ADGRD1: variants seen among roughly 807,000 people sequenced by gnomAD.
ADGRD1 encodes adhesion G protein-coupled receptor D1, also known as G-protein coupled receptor 133.
ADGRD1 carries 77 observed loss-of-function variants against 113.4 expected under a neutral mutation model. The observed-to-expected ratio is 0.68, with a 90% CI of 0.57 to 0.82. ADGRD1 has a LOEUF of 0.82. ADGRD1 is among the 40% of genes least tolerant of loss of function. ADGRD1 has a pLI of 0.00. For synonymous variants in ADGRD1, 474 were observed against 475.0 expected (o/e 1.00, Z 0.03); for missense variants, 1,036 against 1,139.1 (o/e 0.91, Z 1.30).
At chr12:130,986,445 C>T (rs1873692429) in intron 5 of ADGRD1, among the ~76,000 whole-genome samples, 1 of 151,962 alleles carries the variant, frequency 6.6e-6, no homozygotes, top group South Asian at 2.1e-4. Flanking sequence ...ATTGTAAATT[C>T]TACTTGTTCG....
At chr12:131,069,567 G>C (rs1884992364) in intron 13 of ADGRD1, 1 of 152,368 alleles carries the variant, frequency 6.6e-6, no homozygotes, top group Non-Finnish European at 1.5e-5. Flanking sequence ...GAACCATCAA[G>C]GGGCTCACAC....
intron 3 of ADGRD1, chr12:130,970,009 T>C (rs1871427656): frequency 6.6e-6 from 1 of 152,236 alleles, no homozygotes; most frequent in Non-Finnish European, 1.5e-5. Context: ...AAACATTTGA[T>C]TTCTTATAAA....
At chr12:131,127,408 A>C (rs1195851305) in intron 20 of ADGRD1, among the ~76,000 whole-genome samples, 1 of 152,258 alleles carries the variant, frequency 6.6e-6, no homozygotes, top group Non-Finnish European at 1.5e-5. Context: ...CCGGGGCAGA[A>C]CCACGCTTTA....
intron 13 of ADGRD1, among the ~76,000 whole-genome samples, chr12:131,058,905 T>C (rs767610603): frequency 6.6e-6 from 1 of 152,222 alleles, no homozygotes; most frequent in Non-Finnish European, 1.5e-5. Flanking sequence ...TTTATATGTT[T>C]TGCCAAATTT....
intron 8 of ADGRD1, chr12:130,994,207 G>A (rs887789434): frequency 2.5e-5 from 11 of 433,240 alleles, no homozygotes; most frequent in Admixed American, 7.3e-5. Context: ...CAAGCTGGAA[G>A]GTCCTTATGC....
intron 15 of ADGRD1, among the ~76,000 whole-genome samples, chr12:131,102,876 A>G (rs1383303822): frequency 1.3e-5 from 2 of 152,212 alleles, no homozygotes; most frequent in Non-Finnish European, 2.9e-5. Context: ...ATGATTCTGC[A>G]ATAACCAGAA....
chr12:131,016,919 G>C (rs1364910687), intron 13 of ADGRD1, among the ~76,000 whole-genome samples: 2 of 150,684 alleles, frequency 1.3e-5, no homozygotes, highest in Non-Finnish European at 1.5e-5. Context: ...TGTAAAGGCA[G>C]GAGGCTTGTT....
chr12:131,003,956 G>A lies in ADGRD1; in HGVS notation c.1145-230G>A, dbSNP rs543497010. 6.6e-6 allele frequency among the ~76,000 whole-genome samples: 1 copy of A among 152,112 alleles called. No individual in the cohort carries two copies. The highest frequency in any genetic ancestry group is 1.5e-5 in the Non-Finnish European group (1 of 67,994). On this transcript the variant is annotated intron_variant, in intron 10 of 24. Coordinates refer to ENST00000261654, the MANE Select transcript of ADGRD1 (RefSeq NM_198827.5). This position sits in a 1 kb window ranked among gnomAD's most constrained non-coding sequence, Gnocchi z 4.8. Reference sequence around the variant, plus strand: ...GAGGGCGCCCCAGGTGAGGAGCCGCGCGCCCGTGGGCCGGAATGCTGAGCC... The same window carrying A: ...GAGGGCGCCCCAGGTGAGGAGCCGCACGCCCGTGGGCCGGAATGCTGAGCC...
chr12:131,062,954 G>A (rs1884454139), intron 13 of ADGRD1, among the ~76,000 whole-genome samples: 1 of 152,020 alleles, frequency 6.6e-6, no homozygotes. Flanking sequence ...TCTCATCATG[G>A]TCTTAATTTG....
intron 4 of ADGRD1, chr12:130,978,533 T>C (rs1872589897): frequency 6.6e-6 from 1 of 152,168 alleles, no homozygotes; most frequent in Non-Finnish European, 1.5e-5. Flanking sequence ...AAGGCTAATA[T>C]GGAAGGCACA....
intron 20 of ADGRD1, among the ~76,000 whole-genome samples, chr12:131,127,688 A>G (rs34613500): frequency 9.8e-4 from 76 of 77,490 alleles, no homozygotes; most frequent in East Asian, 2.8e-3. Context: ...TGAGGTGTTG[A>G]TTGTGTTGGT....
chr12:130,977,956 G>A (rs1367213003), intron 4 of ADGRD1: 1 of 152,558 alleles, frequency 6.6e-6, no homozygotes, highest in Non-Finnish European at 1.5e-5. Context: ...GCAGACTCCA[G>A]ATCCAGGCTG....
At chr12:131,097,759 G>A (rs922931364) in intron 15 of ADGRD1, among the ~76,000 whole-genome samples, 9 of 152,226 alleles carry the variant, frequency 5.9e-5, no homozygotes, top group African/African-American at 9.6e-5. Context: ...CAGCCTGGCC[G>A]GGACAGGGTG....
At position 131,084,638 on chromosome 12, in the gene ADGRD1, T is replaced by C; in HGVS notation, c.1646T>C (p.Ile549Thr). ...CRCTHLTNFA[I>T]LMQVVPLELA... is the part of the protein sequence containing the mutation. Reference sequence around the variant, plus strand: ...TGCACTCACCTCACCAACTTTGCCATCCTCATGCAGGTGGTCCCGCTGGAG... The same window carrying C: ...TGCACTCACCTCACCAACTTTGCCACCCTCATGCAGGTGGTCCCGCTGGAG... Residue 549 changes from isoleucine to threonine, a missense_variant, in exon 15 of 25, where the codon ATC (isoleucine) becomes ACC (threonine). By Grantham distance (89) the Ile-to-Thr change is moderately conservative. Coordinates refer to ENST00000261654, the MANE Select transcript of ADGRD1 (RefSeq NM_198827.5). The surrounding 1 kb of genome is among the most constrained non-coding windows in gnomAD (Gnocchi z 4.5). 1.2e-6 allele frequency: 2 copies of C among 1,614,046 alleles called. No individual in the cohort carries two copies. The highest frequency in any genetic ancestry group is 1.7e-6 in the Non-Finnish European group (2 of 1,180,004).
At chr12:131,098,625 G>T (rs938118136) in intron 15 of ADGRD1, among the ~76,000 whole-genome samples, 2 of 152,182 alleles carry the variant, frequency 1.3e-5, no homozygotes, top group Non-Finnish European at 2.9e-5. Flanking sequence ...CAAGGGAGAG[G>T]GAAGGGCCTG....
At chr12:130,985,548 A>AT (rs199785536) in intron 5 of ADGRD1, among the ~76,000 whole-genome samples, 3,094 of 85,224 alleles carry the variant, frequency 0.036, 53 homozygotes, top group Middle Eastern at 0.09. Context: ...CAGGTTTAAG[A>AT]TTTTTTTTTT....
At chr12:131,000,236 A>G in intron 8 of ADGRD1, 147 bp from the exon 9 acceptor site, 2 of 660,086 alleles carry the variant, frequency 3.0e-6, no homozygotes. Context: ...CATGTGGTCC[A>G]TGACTCAGCT....
rs113452481 is a variant in ADGRD1, at chr12:131,102,310, T to C, written c.1672-2521T>C. On this transcript the variant is annotated intron_variant, in intron 15 of 24. Coordinates refer to ENST00000261654, the MANE Select transcript of ADGRD1 (RefSeq NM_198827.5). Reference sequence around the variant, plus strand: ...GTCGGTCTGCAGGTGGAGATGTTTGTTTCCATTGCCGAGAATGCTGCGGTG... The same window carrying C: ...GTCGGTCTGCAGGTGGAGATGTTTGCTTCCATTGCCGAGAATGCTGCGGTG... Among the ~76,000 whole-genome samples, 1,263 of 152,308 alleles carry C rather than the reference T, an allele frequency of 8.3e-3. 17 individuals carry two copies. Among genetic ancestry groups the C allele is most frequent in the African/African-American group, 0.029 (1,199 of 41,560 alleles).
intron 13 of ADGRD1, among the ~76,000 whole-genome samples, chr12:131,072,603 C>T (rs1379869380): frequency 6.6e-6 from 1 of 152,202 alleles, no homozygotes; most frequent in African/African-American, 2.4e-5. Flanking sequence ...ATGTCAGCAC[C>T]ATGTGTGTGG....
Sources: gnomAD v4.1 joint callset for allele counts (sites outside exome capture counted in the v4.1 genomes callset) on GRCh38, gnomAD v4.1.1 for gene constraint, Gnocchi (gnomAD v3.1) non-coding constraint, MANE v1.5 for transcripts, NCBI Gene and HGNC (gene_info 2026-07-23, HGNC 2026-07-21) for gene names.